Variants in DYNC1I1 observed in about 807,000 individuals in gnomAD.
The protein encoded by DYNC1I1 is cytoplasmic dynein 1 intermediate chain 1.
In DYNC1I1, 43 loss-of-function variants were observed where a neutral mutation model predicts 86.6. The ratio of observed to expected loss-of-function variants is 0.50; its 90% confidence interval spans 0.39 to 0.64. DYNC1I1 has a LOEUF of 0.64. Ranked by LOEUF, DYNC1I1 falls within the 30% of genes least tolerant of loss-of-function variation. DYNC1I1 has a pLI of 0.00. For missense variants in DYNC1I1, 604 were observed against 788.8 expected, an observed-to-expected ratio of 0.77 and a Z score of 2.81; for synonymous variants, 262 against 283.7, an observed-to-expected ratio of 0.92 and a Z score of 0.77.
At chr7:95,837,294 A>AGGGACCC (rs1789127444) in intron 5 of DYNC1I1, among the ~76,000 whole-genome samples, 1 of 151,952 alleles carries the variant, frequency 6.6e-6, no homozygotes, top group Admixed American at 6.6e-5. Context: ...GTCAGGGGTC[A>AGGGACCC]GGGACCCACT....
chr7:96,086,758 A>T (rs953218255), intron 16 of DYNC1I1, among the ~76,000 whole-genome samples: 3 of 152,238 alleles, frequency 2.0e-5, no homozygotes, highest in African/African-American at 7.2e-5. Context: ...CCAAAAAAGT[A>T]AAACATGATT....
intron 6 of DYNC1I1, among the ~76,000 whole-genome samples, chr7:95,899,468 C>G (rs1291938072): frequency 6.6e-6 from 1 of 152,192 alleles, no homozygotes; most frequent in Non-Finnish European, 1.5e-5. Context: ...ACTGGGCACC[C>G]TTGAGATTGA....
At chr7:95,885,263 G>A (rs777589460) in intron 6 of DYNC1I1, among the ~76,000 whole-genome samples, 2 of 152,008 alleles carry the variant, frequency 1.3e-5, no homozygotes, top group Non-Finnish European at 2.9e-5. Context: ...CACCTCCCAG[G>A]TTCAAGTGAT....
chr7:95,778,172 T>C (rs1291736941), intron 1 of DYNC1I1, among the ~76,000 whole-genome samples: 1 of 152,230 alleles, frequency 6.6e-6, no homozygotes, highest in East Asian at 1.9e-4. Context: ...TAGTTTATAT[T>C]TGTCTTTAAC....
intron 6 of DYNC1I1, among the ~76,000 whole-genome samples, chr7:95,975,474 G>A (rs547807921): frequency 2.6e-5 from 4 of 152,220 alleles, no homozygotes; most frequent in East Asian, 3.9e-4. Context: ...TCCACATGGT[G>A]TTCTTCCTAT....
chr7:95,854,689 A>G (rs1789670043), intron 5 of DYNC1I1, among the ~76,000 whole-genome samples: 2 of 152,234 alleles, frequency 1.3e-5, no homozygotes, highest in Non-Finnish European at 2.9e-5. Context: ...AAGATTTAAC[A>G]CAAATTAAAT....
intron 14 of DYNC1I1, among the ~76,000 whole-genome samples, chr7:96,041,890 T>A (rs1789062771): frequency 6.6e-6 from 1 of 152,114 alleles, no homozygotes; most frequent in Admixed American, 6.5e-5. Context: ...ACCATGTAAA[T>A]ATTTTACATA....
intron 10 of DYNC1I1, among the ~76,000 whole-genome samples, chr7:96,001,664 G>A (rs1384907786): frequency 6.6e-6 from 1 of 152,110 alleles, no homozygotes; most frequent in African/African-American, 2.4e-5. Flanking sequence ...CTTGCAGATG[G>A]CCACTGTCTT....
At chr7:96,096,838 A>G (rs1311089724) in intron 16 of DYNC1I1, among the ~76,000 whole-genome samples, 1 of 152,096 alleles carries the variant, frequency 6.6e-6, no homozygotes. Flanking sequence ...CTGTGCCTCT[A>G]ATATAGGAAT....
At chr7:95,876,131 G>A (rs1216651595) in intron 6 of DYNC1I1, among the ~76,000 whole-genome samples, 2 of 150,920 alleles carry the variant, frequency 1.3e-5, no homozygotes, top group Non-Finnish European at 2.9e-5. Context: ...TCCCAAAAAA[G>A]GAGTGTGGTT....
At chr7:95,860,507 T>C (rs1789848862) in intron 5 of DYNC1I1, among the ~76,000 whole-genome samples, 1 of 152,196 alleles carries the variant, frequency 6.6e-6, no homozygotes, top group Admixed American at 6.5e-5. Context: ...TTAATAAATA[T>C]TATTTTATCC....
intron 10 of DYNC1I1, among the ~76,000 whole-genome samples, chr7:96,019,734 T>C (rs1379229014): frequency 6.6e-6 from 1 of 152,122 alleles, no homozygotes; most frequent in Non-Finnish European, 1.5e-5. Context: ...AGAAATGATG[T>C]AGTAACATGT....
downstream of DYNC1I1, among the ~76,000 whole-genome samples, chr7:96,098,696 C>A (rs992626307): frequency 6.6e-6 from 1 of 152,098 alleles, no homozygotes; most frequent in Non-Finnish European, 1.5e-5. Flanking sequence ...TAGGTTAAGA[C>A]GAACAAATAC....
At chr7:95,839,685 G>A (rs530598437) in intron 5 of DYNC1I1, among the ~76,000 whole-genome samples, 2 of 152,112 alleles carry the variant, frequency 1.3e-5, no homozygotes, top group East Asian at 3.9e-4. Flanking sequence ...ATGTTTTTGT[G>A]TTGCTGTTTA....
intron 5 of DYNC1I1, among the ~76,000 whole-genome samples, chr7:95,851,636 G>A (rs542084630): frequency 2.6e-4 from 39 of 152,226 alleles, no homozygotes; most frequent in African/African-American, 9.1e-4. Context: ...GAGGATTTTT[G>A]CATCTGTGTT....
intron 5 of DYNC1I1, among the ~76,000 whole-genome samples, chr7:95,863,407 G>C (rs907748862): frequency 6.6e-6 from 1 of 152,128 alleles, no homozygotes; most frequent in Admixed American, 6.5e-5. Flanking sequence ...CGAAAAGGTT[G>C]TGTAATTAGA....
At chr7:96,092,915 T>C (rs1312307257) in intron 16 of DYNC1I1, among the ~76,000 whole-genome samples, 1 of 152,142 alleles carries the variant, frequency 6.6e-6, no homozygotes, top group East Asian at 1.9e-4. Flanking sequence ...TGTCATGGAA[T>C]GCTGGCATTT....
At chr7:95,952,908 G>C (rs1259294696) in intron 6 of DYNC1I1, among the ~76,000 whole-genome samples, 1 of 151,760 alleles carries the variant, frequency 6.6e-6, no homozygotes, top group Non-Finnish European at 1.5e-5. Context: ...GATCACCTCA[G>C]ACCTTCAGGG....
intron 12 of DYNC1I1, 79 bp downstream of exon 12, chr7:96,032,859 C>A: frequency 8.1e-7 from 1 of 1,241,932 alleles, no homozygotes; most frequent in Admixed American, 1.9e-5. Flanking sequence ...TTCCTAAAAG[C>A]CAAACCCTCA....
Sources: allele counts gnomAD v4.1 joint callset (sites outside exome capture counted in the v4.1 genomes callset), GRCh38; gene constraint gnomAD v4.1.1; transcripts MANE v1.5; gene names NCBI Gene and HGNC (gene_info 2026-07-23, HGNC 2026-07-21).